The following GARNL3 variants were observed in gnomAD, a reference collection of about 807,000 sequenced individuals.
The protein encoded by GARNL3 is GTPase activating Rap/RanGAP domain like 3, also known as GTPase-activating Rap/Ran-GAP domain-like protein 3.
A neutral mutation model predicts 125.0 loss-of-function variants in GARNL3; 63 were observed. The ratio of observed to expected loss-of-function variants is 0.50; its 90% confidence interval spans 0.41 to 0.62. The LOEUF (loss-of-function observed/expected upper bound fraction) is 0.62. GARNL3 is among the 20% of genes least tolerant of loss of function. GARNL3 has a pLI of 0.00. For missense variants in GARNL3, 994 were observed against 1,244.0 expected, an observed-to-expected ratio of 0.80 and a Z score of 3.02; for synonymous variants, 439 against 457.5, an observed-to-expected ratio of 0.96 and a Z score of 0.52.
chr9:127,363,140 G>C (rs1485678148), intron 21 of GARNL3: 6 of 152,514 alleles, frequency 3.9e-5, no homozygotes, highest in Admixed American at 3.9e-4. Flanking sequence ...AAACAGACAA[G>C]AGAGCACCAG....
At chr9:127,279,345 T>G (rs1221382026) in intron 1 of GARNL3, among the ~76,000 whole-genome samples, 2 of 152,226 alleles carry the variant, frequency 1.3e-5, no homozygotes, top group Non-Finnish European at 2.9e-5. Context: ...CTGTTATATC[T>G]TTGATTATTG....
chr9:127,321,749 G>A (rs552970363), intron 6 of GARNL3, among the ~76,000 whole-genome samples: 7 of 152,304 alleles, frequency 4.6e-5, no homozygotes, highest in South Asian at 4.1e-4. Context: ...AGTTGGGTAC[G>A]CCAGGGATGG....
At chr9:127,386,116 G>C (rs1164040875) in intron 24 of GARNL3, among the ~76,000 whole-genome samples, 1 of 152,102 alleles carries the variant, frequency 6.6e-6, no homozygotes, top group Non-Finnish European at 1.5e-5. Flanking sequence ...CTGAACTCTT[G>C]TATCCATAGC....
At chr9:127,273,073 C>T (rs1384834411) in intron 1 of GARNL3, among the ~76,000 whole-genome samples, 1 of 152,004 alleles carries the variant, frequency 6.6e-6, no homozygotes, top group East Asian at 1.9e-4. Flanking sequence ...GATGTATTTA[C>T]TTATTTAATC....
chr9:127,330,936 A>G (rs147404326), intron 7 of GARNL3, among the ~76,000 whole-genome samples: 1 of 152,080 alleles, frequency 6.6e-6, no homozygotes, highest in Non-Finnish European at 1.5e-5. Context: ...GGATTTTCGG[A>G]TTTTTAATAC....
intron 1 of GARNL3, among the ~76,000 whole-genome samples, chr9:127,278,856 G>A (rs2064027800): frequency 6.6e-6 from 1 of 152,090 alleles, no homozygotes; most frequent in East Asian, 1.9e-4. Flanking sequence ...TTGGCTTGTA[G>A]CTGCGTCACT....
intron 19 of GARNL3, 109 bp downstream of exon 19, chr9:127,354,519 T>C: frequency 3.0e-6 from 2 of 659,110 alleles, no homozygotes; most frequent in Non-Finnish European, 5.2e-6. Flanking sequence ...TATTAGTTTG[T>C]TTTTTGTTTG....
chr9:127,279,075 G>A (rs1227440352), intron 1 of GARNL3, among the ~76,000 whole-genome samples: 1 of 152,106 alleles, frequency 6.6e-6, no homozygotes, highest in African/African-American at 2.4e-5. Context: ...AATTTGGGGG[G>A]GGACACTATT....
In GARNL3 at chr9:127,344,343, G is replaced by A; in HGVS notation, c.1356+4G>A. ...GGAGTTTGTTAGAATAGGGCAGGTG[G>A]GTTTTCTTCTGAAACCTTTTCTGCG... is the stretch of plus-strand genomic sequence containing the variant. On this transcript the variant is annotated splice_donor_region_variant and intron_variant, in intron 15 of 27. Transcript: ENST00000373387. 6.2e-7 allele frequency: 1 copy of A among 1,601,682 alleles called. No homozygotes were observed. Among genetic ancestry groups the A allele is most frequent in the Non-Finnish European group, 8.6e-7 (1 of 1,168,916 alleles).
chr9:127,289,964 TGGTTA>T (rs2064366251), intron 1 of GARNL3, among the ~76,000 whole-genome samples: 1 of 152,082 alleles, frequency 6.6e-6, no homozygotes, highest in Non-Finnish European at 1.5e-5. Context: ...GGGAGGGTGG[TGGTTA>T]GATGAGGACA....
At chr9:127,243,895 AG>A (rs1564843801) in intron 2 of GARNL3, among the ~76,000 whole-genome samples, 1 of 152,222 alleles carries the variant, frequency 6.6e-6, no homozygotes, top group Admixed American at 6.5e-5. Context: ...GATACAAGAG[AG>A]GGGTACTTAG....
chr9:127,231,228 G>GTTTTTTTTT (rs34963289), intron 1 of GARNL3, among the ~76,000 whole-genome samples: 110 of 100,376 alleles, frequency 1.1e-3, no homozygotes, highest in South Asian at 1.7e-3. Context: ...CTAATTTTTT[G>GTTTTTTTTT]TTTTTTTTTT....
At chr9:127,226,277 T>C (rs767675944) in intron 1 of GARNL3, among the ~76,000 whole-genome samples, 9 of 152,224 alleles carry the variant, frequency 5.9e-5, no homozygotes, top group Admixed American at 1.3e-4. Flanking sequence ...GAGGGTTCCA[T>C]TGCTAGGATA....
chr9:127,296,531 G>C (rs2064596910), intron 2 of GARNL3, among the ~76,000 whole-genome samples: 1 of 147,530 alleles, frequency 6.8e-6, no homozygotes, highest in South Asian at 2.2e-4. Context: ...GAGTGCAATG[G>C]CGCGATCTTG....
intron 4 of GARNL3, among the ~76,000 whole-genome samples, chr9:127,317,503 T>C (rs756957431): frequency 1.3e-5 from 2 of 152,078 alleles, no homozygotes; most frequent in African/African-American, 2.4e-5. Flanking sequence ...GACAGGCAGA[T>C]CACTTGAGGT....
At chr9:127,383,612 C>G (rs770333727) in intron 23 of GARNL3, 67 bp downstream of exon 23, 9 of 1,024,590 alleles carry the variant, frequency 8.8e-6, no homozygotes, top group Non-Finnish European at 1.3e-5. Context: ...GTAAGCAAAT[C>G]CTATGTAAGC....
At chr9:127,258,853 T>C (rs960172531), upstream of GARNL3, among the ~76,000 whole-genome samples, 1 of 152,212 alleles carries the variant, frequency 6.6e-6, no homozygotes, top group African/African-American at 2.4e-5. Context: ...CCCTTCCATC[T>C]GTTTCTTACT....
chr9:127,248,945 C>G (rs2063352235), intron 2 of GARNL3, among the ~76,000 whole-genome samples: 1 of 152,032 alleles, frequency 6.6e-6, no homozygotes, highest in African/African-American at 2.4e-5. Flanking sequence ...ACTTCTGTCA[C>G]TAATTCCCAG....
intron 1 of GARNL3, among the ~76,000 whole-genome samples, chr9:127,225,815 C>T (rs1323276374): frequency 2.2e-4 from 1 of 4,482 alleles, no homozygotes; most frequent in Non-Finnish European, 5.6e-4. Context: ...CCGCGCCCCT[C>T]GCGCCCCTTG....
Sources: allele counts gnomAD v4.1 joint callset (sites outside exome capture counted in the v4.1 genomes callset), GRCh38; gene constraint gnomAD v4.1.1; transcripts MANE v1.5; gene names NCBI Gene and HGNC (gene_info 2026-07-23, HGNC 2026-07-21).